ZNF532: variants seen among roughly 807,000 people sequenced by gnomAD.
The protein encoded by ZNF532 is zinc finger protein 532.
In ZNF532, 22 loss-of-function variants were observed where a neutral mutation model predicts 89.3. The observed-to-expected ratio is 0.25, with a 90% CI of 0.18 to 0.35. The LOEUF (loss-of-function observed/expected upper bound fraction) is 0.35, where lower values mean the gene tolerates loss of function less well. Among genes scored for constraint, ZNF532 ranks in the 10% least tolerant of loss-of-function variants. The pLI is 1.00. For synonymous variants in ZNF532, 606 were observed against 649.6 expected (o/e 0.93, Z 1.02); for missense variants, 1,132 against 1,643.4 (o/e 0.69, Z 5.38).
intron 5 of ZNF532, among the ~76,000 whole-genome samples, chr18:58,941,473 T>TA (rs2063020033): frequency 6.8e-6 from 1 of 147,476 alleles, no homozygotes; most frequent in Admixed American, 6.7e-5. Context: ...TCTCTCTTTT[T>TA]TTTTTTTTTT....
intron 5 of ZNF532, among the ~76,000 whole-genome samples, chr18:58,941,503 C>T: frequency 8.1e-6 from 1 of 123,550 alleles, no homozygotes; most frequent in East Asian, 2.7e-4. Context: ...GACAGAGTCT[C>T]ATTCTGATCC....
chr18:58,978,944 G>T, intron 7 of ZNF532, 111 bp from the exon 8 acceptor site: 1 of 827,462 alleles, frequency 1.2e-6, no homozygotes, highest in Non-Finnish European at 2.0e-6. Context: ...CTCAGTTTTG[G>T]ATTTGGGGAC....
rs149577797 is a variant in ZNF532, at chr18:58,915,935, G to A, written c.-17-2336G>A. Among the ~76,000 whole-genome samples the A allele has an allele frequency of 5.1e-3, 770 of 152,320 alleles. 6 individuals are homozygous for A. The highest frequency in any genetic ancestry group is 0.017 in the African/African-American group (697 of 41,562). On this transcript the variant is annotated intron_variant, in intron 2 of 9. Transcript: ENST00000591808. The stretch of plus-strand genomic sequence containing the variant: ...CCAAAGTCATAAAGAGAGGGCAAAT[G>A]ACATTAAAATCCTGTGAAGCTCGAA...
intron 2 of ZNF532, among the ~76,000 whole-genome samples, chr18:58,885,611 T>C (rs1230507939): frequency 6.6e-6 from 1 of 152,064 alleles, no homozygotes; most frequent in African/African-American, 2.4e-5. Context: ...TCCCAGCATT[T>C]TGGGAGGCCG....
chr18:58,894,685 C>T (rs1417042257), intron 2 of ZNF532, among the ~76,000 whole-genome samples: 1 of 152,056 alleles, frequency 6.6e-6, no homozygotes, highest in East Asian at 1.9e-4. Context: ...TCCTTTTATG[C>T]ACCTTGTTTT....
chr18:58,965,708 A>C (rs1277567843), intron 7 of ZNF532, among the ~76,000 whole-genome samples: 2 of 152,222 alleles, frequency 1.3e-5, no homozygotes, highest in Non-Finnish European at 2.9e-5. Context: ...GCTTTCTGGA[A>C]TTACTTGCAG....
chr18:58,881,670 A>T (rs926745591), intron 2 of ZNF532, among the ~76,000 whole-genome samples: 3 of 152,196 alleles, frequency 2.0e-5, no homozygotes, highest in African/African-American at 7.2e-5. Flanking sequence ...CCTGTGGTTT[A>T]TAGGTGTCAT....
intron 2 of ZNF532, among the ~76,000 whole-genome samples, chr18:58,903,360 G>A (rs913652813): frequency 6.6e-6 from 1 of 152,210 alleles, no homozygotes; most frequent in Admixed American, 6.5e-5. Flanking sequence ...TGGGAATTTG[G>A]TGTGAGGCCA....
In ZNF532 at chr18:58,918,883, A is replaced by T; in HGVS notation, c.596A>T (p.Lys199Ile). 6.2e-7 allele frequency: 1 copy of T among 1,614,152 alleles called. No individual in the cohort carries two copies. The highest frequency in any genetic ancestry group is 8.5e-7 in the Non-Finnish European group (1 of 1,180,046). ...ACGTCAGGCAATGTGGAGAAAAACA[A>T]AGCTGTTAAGAGAGAAACAGAAGCC... Reference protein sequence around the residue: ...LSTSGNVEKNKAVKRETEASS... With the variant: ...LSTSGNVEKNIAVKRETEASS... The change falls in exon 3 of 10, where the codon AAA becomes ATA. Residue 199 changes from lysine (K) to isoleucine (I), a missense_variant. Lys to Ile is a moderately radical substitution (Grantham distance 102, BLOSUM62 -3). This residue lies in a region of ZNF532 where 302 missense variants were observed against 319.8 expected (regional missense o/e 0.94). Coordinates refer to ENST00000591808, the MANE Select transcript of ZNF532 (RefSeq NM_001375912.1).
chr18:58,902,618 G>C (rs1432841050), intron 2 of ZNF532, among the ~76,000 whole-genome samples: 1 of 151,638 alleles, frequency 6.6e-6, no homozygotes, highest in Non-Finnish European at 1.5e-5. Context: ...TCAGCCTCTC[G>C]AGTAGCTGGG....
At chr18:58,964,571 G>A (rs2065722150) in intron 7 of ZNF532, among the ~76,000 whole-genome samples, 1 of 144,258 alleles carries the variant, frequency 6.9e-6, no homozygotes, top group Non-Finnish European at 1.5e-5. Flanking sequence ...GTGTGTGTGT[G>A]TGTGTGTGTA....
At chr18:58,983,314 T>C (rs1040047886) in intron 9 of ZNF532, among the ~76,000 whole-genome samples, 3 of 151,766 alleles carry the variant, frequency 2.0e-5, no homozygotes, top group Non-Finnish European at 4.4e-5. Flanking sequence ...CAGGAAAGGG[T>C]GGGGAAAGCT....
intron 6 of ZNF532, among the ~76,000 whole-genome samples, chr18:58,951,085 A>T (rs2064117365): frequency 6.6e-6 from 1 of 151,936 alleles, no homozygotes; most frequent in South Asian, 2.1e-4. Flanking sequence ...CCCCCCGAAT[A>T]GCTGAGACTA....
In ZNF532 at chr18:58,920,030, G is replaced by A. The variant is rs1386444689; in HGVS notation, c.1743G>A (p.Val581=). The change falls in exon 3 of 10, where the codon GTG becomes GTA. Residue 581 remains valine, a synonymous_variant. Transcript: ENST00000591808. ...TGTCGTCCTTGCAGAGTTCTGTGGT[G>A]GAAGCTTTCAACAAGGTGCTGAGCA... The part of the protein sequence containing the change: ...QVVSSLQSSV[V]EAFNKVLSSV... The A allele has an allele frequency of 6.2e-7, 1 of 1,613,832 alleles. No individual in the cohort carries two copies. The highest frequency in any genetic ancestry group is 8.5e-7 in the Non-Finnish European group (1 of 1,179,822).
chr18:58,981,711 C>A, intron 9 of ZNF532, 94 bp downstream of exon 9: 1 of 1,525,550 alleles, frequency 6.6e-7, no homozygotes, highest in Non-Finnish European at 8.9e-7. Context: ...TGCATAGTTA[C>A]AGTTTTAAAA....
At chr18:58,982,283 G>T (rs983541690) in intron 9 of ZNF532, among the ~76,000 whole-genome samples, 3 of 151,904 alleles carry the variant, frequency 2.0e-5, no homozygotes, top group South Asian at 2.1e-4. Flanking sequence ...AAACCTGGGG[G>T]ACAAGAGCAG....
At position 58,984,338 on chromosome 18, in the gene ZNF532, G is replaced by A. The variant is rs779157362; in HGVS notation, c.3778G>A (p.Ala1260Thr). The change falls in exon 10 of 10, where the codon GCC becomes ACC. Residue 1260 changes from alanine (A) to threonine (T), a missense_variant. Ala to Thr is a moderately conservative substitution (Grantham distance 58, BLOSUM62 0). Transcript: ENST00000591808. Reference protein sequence around the residue: ...PSHEDESPDGAVSDRKCKVCA... With the variant: ...PSHEDESPDGTVSDRKCKVCA... The stretch of plus-strand genomic sequence containing the variant: ...CCACGAGGATGAATCCCCTGATGGC[G>A]CCGTGTCAGACAGAAAGTGCAAAGT... The A allele has an allele frequency of 8.0e-5, 129 of 1,611,846 alleles. 1 individual carries two copies. In the Admixed American group the frequency reaches 1.1e-3, roughly 14 times the overall value.
chr18:58,978,925 A>G, intron 7 of ZNF532, 130 bp from the exon 8 acceptor site: 2 of 691,064 alleles, frequency 2.9e-6, no homozygotes, highest in Middle Eastern at 4.3e-4. Context: ...GTGTAGTGTC[A>G]TGTCAACCCT....
intron 2 of ZNF532, among the ~76,000 whole-genome samples, chr18:58,916,031 C>G (rs966004475): frequency 1.3e-5 from 2 of 152,232 alleles, no homozygotes; most frequent in South Asian, 4.1e-4. Context: ...CCAAGCTTTG[C>G]ATCAGTTAAA....
Sources: allele counts gnomAD v4.1 joint callset (sites outside exome capture counted in the v4.1 genomes callset), GRCh38; gene constraint gnomAD v4.1.1; regional missense constraint gnomAD v4.1.1; transcripts MANE v1.5; gene names NCBI Gene and HGNC (gene_info 2026-07-23, HGNC 2026-07-21).